The following VPS45 variants were observed in gnomAD, a reference collection of about 807,000 sequenced individuals.
VPS45 encodes the protein vacuolar protein sorting 45 homolog, also known as vacuolar protein sorting-associated protein 45.
In VPS45, 35 loss-of-function variants were observed where a neutral mutation model predicts 75.9. The observed-to-expected ratio is 0.46, with a 90% CI of 0.35 to 0.61. The LOEUF (loss-of-function observed/expected upper bound fraction) is 0.61. Ranked by LOEUF, VPS45 falls within the 20% of genes least tolerant of loss-of-function variation. The pLI, the probability that VPS45 is intolerant of heterozygous loss-of-function variation, is 0.00. For missense variants in VPS45, 559 were observed against 685.9 expected (o/e 0.81, Z 2.07); for synonymous variants, 220 against 238.2 (o/e 0.92, Z 0.70).
chr1:150,084,558 G>A (rs782599735), intron 10 of VPS45, among the ~76,000 whole-genome samples: 1 of 152,112 alleles, frequency 6.6e-6, no homozygotes, highest in Non-Finnish European at 1.5e-5. Context: ...TTAGGACTAC[G>A]AGTCCTTTAG....
At chr1:150,104,733 G>A (rs587632121) in intron 13 of VPS45, among the ~76,000 whole-genome samples, 1 of 152,138 alleles carries the variant, frequency 6.6e-6, no homozygotes, top group Non-Finnish European at 1.5e-5. Context: ...TGAGACTATA[G>A]GGGAAAGCCA....
chr1:150,121,121 C>T (rs1275580492), intron 14 of VPS45, among the ~76,000 whole-genome samples: 2 of 152,018 alleles, frequency 1.3e-5, no homozygotes, highest in African/African-American at 4.8e-5. Flanking sequence ...TCCCAAAGTG[C>T]TGGGATTACA....
chr1:150,112,053 A>G (rs1332771440), intron 14 of VPS45, among the ~76,000 whole-genome samples: 2 of 152,160 alleles, frequency 1.3e-5, no homozygotes, highest in Non-Finnish European at 2.9e-5. Context: ...GCCAATTACT[A>G]ACCTCTTTGT....
intron 13 of VPS45, among the ~76,000 whole-genome samples, chr1:150,107,195 A>G (rs1657376649): frequency 6.6e-6 from 1 of 152,182 alleles, no homozygotes; most frequent in East Asian, 1.9e-4. Flanking sequence ...GGCTTCAGCT[A>G]CCACATATTC....
At chr1:150,072,572 G>A (rs1346896535) in intron 3 of VPS45, among the ~76,000 whole-genome samples, 2 of 150,546 alleles carry the variant, frequency 1.3e-5, no homozygotes, top group Non-Finnish European at 2.9e-5. Flanking sequence ...CAGGAGAATC[G>A]CTTGAACCGG....
intron 13 of VPS45, among the ~76,000 whole-genome samples, chr1:150,095,449 C>G (rs1553802837): frequency 6.6e-6 from 1 of 152,242 alleles, no homozygotes; most frequent in East Asian, 1.9e-4. Flanking sequence ...CCTGTCTCTA[C>G]TAAAACTACA....
At chr1:150,116,827 T>C (rs2101620969) in intron 14 of VPS45, among the ~76,000 whole-genome samples, 1 of 152,306 alleles carries the variant, frequency 6.6e-6, no homozygotes, top group East Asian at 1.9e-4. Context: ...ATTTGTAGCC[T>C]TATGGCCAGG....
chr1:150,072,334 G>A (rs1655122496), intron 3 of VPS45, 108 bp downstream of exon 3: 2 of 809,876 alleles, frequency 2.5e-6, no homozygotes, highest in African/African-American at 3.5e-5. Context: ...CACTATAAAA[G>A]TCTAGTTTAT....
intron 13 of VPS45, among the ~76,000 whole-genome samples, chr1:150,104,413 A>G (rs782399507): frequency 6.6e-6 from 1 of 152,092 alleles, no homozygotes; most frequent in Non-Finnish European, 1.5e-5. Context: ...TCAGTCCACT[A>G]TTGGTGGATA....
chr1:150,101,566 T>C (rs1657006120), intron 13 of VPS45, among the ~76,000 whole-genome samples: 2 of 151,748 alleles, frequency 1.3e-5, no homozygotes, highest in Admixed American at 6.6e-5. Context: ...AAACCCCTTC[T>C]CTACTAAAAA....
At chr1:150,107,913 A>G (rs868961939) in intron 13 of VPS45, among the ~76,000 whole-genome samples, 1 of 152,100 alleles carries the variant, frequency 6.6e-6, no homozygotes, top group South Asian at 2.1e-4. Flanking sequence ...AAAAAAAAGC[A>G]AATTTGATCA....
At chr1:150,087,005 G>A (rs587761202) in intron 10 of VPS45, among the ~76,000 whole-genome samples, 50 of 150,276 alleles carry the variant, frequency 3.3e-4, no homozygotes, top group African/African-American at 1.0e-3. Context: ...TTATTACCAA[G>A]ACCAACTGTA....
At chr1:150,118,723 T>C (rs1310465154) in intron 14 of VPS45, among the ~76,000 whole-genome samples, 2 of 152,152 alleles carry the variant, frequency 1.3e-5, no homozygotes, top group Non-Finnish European at 2.9e-5. Context: ...ATCATCCTTA[T>C]ATAAAATTAA....
intron 3 of VPS45, among the ~76,000 whole-genome samples, chr1:150,073,655 A>G (rs2101502192): frequency 6.6e-6 from 1 of 152,168 alleles, no homozygotes; most frequent in South Asian, 2.1e-4. Context: ...AAAAAAAAAC[A>G]ACGAATAATA....
At position 150,092,423 on chromosome 1, in the gene VPS45, C is replaced by T. The variant is rs377549989; in HGVS notation, c.1371+14C>T. On this transcript the variant is annotated intron_variant, in intron 12 of 14. Coordinates refer to ENST00000644510, the MANE Select transcript of VPS45 (RefSeq NM_007259.5). ...AAAGGACTGAAGGTATAGACATCTC[C>T]TCTATGCTCTCCTGAGTGAGAACAG... 8 of 1,604,768 alleles carry T rather than the reference C, an allele frequency of 5.0e-6. No individual in the cohort carries two copies. The highest frequency in any genetic ancestry group is 1.3e-5 in the African/African-American group (1 of 74,738).
intron 2 of VPS45, among the ~76,000 whole-genome samples, chr1:150,071,578 G>A (rs1404736725): frequency 3.9e-5 from 6 of 152,142 alleles, no homozygotes; most frequent in African/African-American, 1.4e-4. Context: ...GTTGAGGTCA[G>A]GAGTTCGAGA....
chr1:150,111,405 A>G (rs1418038465), intron 14 of VPS45, among the ~76,000 whole-genome samples: 4 of 152,216 alleles, frequency 2.6e-5, no homozygotes, highest in Non-Finnish European at 5.9e-5. Context: ...AATAAAGTGA[A>G]AGGATGATTG....
Position 150,099,001 on chromosome 1 carries a change from T to A in VPS45, c.1493+5353T>A, listed in dbSNP as rs1656818378. 4 of 1,110,326 alleles carry A rather than the reference T, an allele frequency of 3.6e-6. No individual in the cohort carries two copies. In the South Asian group the frequency reaches 8.3e-5, roughly 23 times the overall value. 68.8% of individuals were successfully genotyped at this position (1,110,326 alleles called of 1,614,324 possible). ...AGTAGAATCTTGTTGCTACAGCTTA[T>A]TTTTTGTTTCTGTGAAGCAGCAGTC... On this transcript the variant is annotated intron_variant, in intron 13 of 14. Transcript: ENST00000644510.
intron 10 of VPS45, among the ~76,000 whole-genome samples, chr1:150,088,034 A>G (rs1453611202): frequency 1.4e-4 from 22 of 152,206 alleles, no homozygotes; most frequent in African/African-American, 5.3e-4. Context: ...GGTAATTAGC[A>G]TATCCATCAC....
Sources: allele counts gnomAD v4.1 joint callset (sites outside exome capture counted in the v4.1 genomes callset), GRCh38; gene constraint gnomAD v4.1.1; transcripts MANE v1.5; gene names NCBI Gene and HGNC (gene_info 2026-07-23, HGNC 2026-07-21).